CTNND2: variants seen among roughly 807,000 people sequenced by gnomAD.
CTNND2 encodes the protein catenin delta 2.
A neutral mutation model predicts 144.4 loss-of-function variants in CTNND2; 22 were observed. The ratio of observed to expected loss-of-function variants is 0.15; its 90% CI spans 0.11 to 0.22. The LOEUF (loss-of-function observed/expected upper bound fraction) is 0.22. Among genes scored for constraint, CTNND2 ranks in the 10% least tolerant of loss-of-function variants. The probability of loss-of-function intolerance (pLI) is 1.00; values close to 1 mark genes in which losing one functional copy is unlikely to be tolerated. For missense variants in CTNND2, 1,353 were observed against 1,618.8 expected (o/e 0.84, Z 2.82); for synonymous variants, 751 against 695.6 (o/e 1.08, Z -1.25).
At chr5:11,284,150 T>C (rs1747477133) in intron 9 of CTNND2, among the ~76,000 whole-genome samples, 1 of 152,212 alleles carries the variant, frequency 6.6e-6, no homozygotes, top group African/African-American at 2.4e-5. Context: ...ATGTGAATTC[T>C]TCAGCCACAT....
intron 3 of CTNND2, among the ~76,000 whole-genome samples, chr5:11,523,633 C>G (rs1772954639): frequency 6.6e-6 from 1 of 152,200 alleles, no homozygotes; most frequent in South Asian, 2.1e-4. Context: ...AATCTCAGTT[C>G]ATCTCCAAGT....
intron 11 of CTNND2, among the ~76,000 whole-genome samples, chr5:11,169,655 C>T (rs61751825): frequency 0.025 from 3,794 of 152,258 alleles, 154 homozygotes; most frequent in African/African-American, 0.087. Context: ...AAGATAGAGA[C>T]GGCTATTGCC....
chr5:11,304,128 T>G (rs892017199), intron 9 of CTNND2, among the ~76,000 whole-genome samples: 1 of 148,970 alleles, frequency 6.7e-6, no homozygotes, highest in Non-Finnish European at 1.5e-5. Context: ...GTCTTGAGTA[T>G]GTCTTTATCA....
chr5:11,577,017 G>A (rs1003134126), intron 2 of CTNND2, among the ~76,000 whole-genome samples: 21 of 152,166 alleles, frequency 1.4e-4, no homozygotes, highest in African/African-American at 4.8e-4. Context: ...ATGAAATGCC[G>A]AGAGCGTGCC....
intron 2 of CTNND2, among the ~76,000 whole-genome samples, chr5:11,690,682 GC>G (rs1159212562): frequency 7.1e-6 from 1 of 141,594 alleles, no homozygotes; most frequent in African/African-American, 2.6e-5. Context: ...CTTGCAGTGA[GC>G]CGAGATTGCG....
intron 10 of CTNND2, among the ~76,000 whole-genome samples, chr5:11,219,063 A>T (rs1739514176): frequency 6.6e-6 from 1 of 152,204 alleles, no homozygotes; most frequent in African/African-American, 2.4e-5. Flanking sequence ...GTTCTTTAGT[A>T]TGATGGCCAG....
intron 8 of CTNND2, among the ~76,000 whole-genome samples, chr5:11,351,228 C>T (rs1002462173): frequency 6.6e-6 from 1 of 152,140 alleles, no homozygotes; most frequent in Non-Finnish European, 1.5e-5. Flanking sequence ...TGTAGGATTA[C>T]TCTATCCAAT....
chr5:11,485,268 G>GA (rs1202726057), intron 3 of CTNND2, among the ~76,000 whole-genome samples: 2 of 151,996 alleles, frequency 1.3e-5, no homozygotes, highest in African/African-American at 4.8e-5. Flanking sequence ...GCAATCAGTA[G>GA]AAAAAATCAT....
chr5:11,185,009 T>C (rs1282234851), intron 11 of CTNND2, among the ~76,000 whole-genome samples: 5 of 152,172 alleles, frequency 3.3e-5, no homozygotes, highest in Admixed American at 3.3e-4. Context: ...AGAACACACA[T>C]GCCCACCCCT....
intron 14 of CTNND2, among the ~76,000 whole-genome samples, chr5:11,108,724 C>T (rs921425551): frequency 1.3e-5 from 2 of 151,976 alleles, no homozygotes; most frequent in African/African-American, 2.4e-5. Flanking sequence ...TCTCAGTGGC[C>T]CTCTGCCCAT....
chr5:11,824,093 CAAAAAA>C (rs1189701479), intron 1 of CTNND2, among the ~76,000 whole-genome samples: 1 of 58,910 alleles, frequency 1.7e-5, no homozygotes. Flanking sequence ...CAGAGTGTCT[CAAAAAA>C]AAAAAAAAAA....
intron 11 of CTNND2, among the ~76,000 whole-genome samples, chr5:11,170,591 TAC>T (rs534408462): frequency 2.3e-4 from 35 of 151,218 alleles, no homozygotes; most frequent in Non-Finnish European, 4.1e-4. Flanking sequence ...CACACACACA[TAC>T]ACACACACAC....
chr5:11,258,913 C>G (rs746310114), intron 9 of CTNND2, among the ~76,000 whole-genome samples: 2 of 152,158 alleles, frequency 1.3e-5, no homozygotes, highest in African/African-American at 4.8e-5. Context: ...TCTTATGTCT[C>G]CTTCCTATTC....
At chr5:11,638,960 C>T (rs190301659) in intron 2 of CTNND2, among the ~76,000 whole-genome samples, 2 of 152,050 alleles carry the variant, frequency 1.3e-5, no homozygotes, top group South Asian at 2.1e-4. Context: ...TAAAGAATTC[C>T]GGTTTTGGCC....
At chr5:11,066,720 A>C (rs1329564099) in intron 16 of CTNND2, among the ~76,000 whole-genome samples, 1 of 152,180 alleles carries the variant, frequency 6.6e-6, no homozygotes, top group Non-Finnish European at 1.5e-5. Context: ...GACACCTCCA[A>C]GACCAACAGC....
chr5:11,134,810 T>C lies in CTNND2; in HGVS notation c.2160-17243A>G, dbSNP rs74487820. On this transcript the variant is annotated intron_variant, in intron 12 of 21. Transcript: ENST00000304623. ...AGATGGCTTGCACACAATATGAGTG[T>C]AGGATAATGGCACCACTGGGTGCAC... is the stretch of plus-strand genomic sequence containing the variant. 4.3e-4 allele frequency among the ~76,000 whole-genome samples: 66 copies of C among 152,356 alleles called. 4 individuals carry two copies. The East Asian group carries it at 0.01, about 23-fold the overall frequency.
At chr5:11,283,532 G>C (rs914117566) in intron 9 of CTNND2, among the ~76,000 whole-genome samples, 3 of 151,754 alleles carry the variant, frequency 2.0e-5, no homozygotes, top group Non-Finnish European at 4.4e-5. Flanking sequence ...AAATTAGCGG[G>C]GTGTGGTGGC....
At chr5:11,411,973 G>T in intron 4 of CTNND2, 62 bp downstream of exon 4, 1 of 1,330,878 alleles carries the variant, frequency 7.5e-7, no homozygotes, top group Non-Finnish European at 1.1e-6. Context: ...AAGTTCATAA[G>T]AAAAGTCATC....
chr5:11,786,282 T>C (rs1180826781), intron 1 of CTNND2, among the ~76,000 whole-genome samples: 2 of 152,210 alleles, frequency 1.3e-5, no homozygotes, highest in Admixed American at 6.5e-5. Flanking sequence ...AAGACTGCCC[T>C]CTCAGAAGGG....
Sources: allele counts gnomAD v4.1 joint callset (sites outside exome capture counted in the v4.1 genomes callset), GRCh38; gene constraint gnomAD v4.1.1; transcripts MANE v1.5; gene names NCBI Gene and HGNC (gene_info 2026-07-23, HGNC 2026-07-21).